Variants in NUP133 observed in about 807,000 individuals in gnomAD.
The protein encoded by NUP133 is nuclear pore complex protein Nup133.
A neutral mutation model predicts 146.2 loss-of-function variants in NUP133; 66 were observed. That is an observed-to-expected ratio of 0.45 (90% CI 0.37 to 0.55). The LOEUF is 0.55. NUP133 is among the 20% of genes least tolerant of loss of function. The probability of loss-of-function intolerance (pLI) is 0.00; values close to 1 mark genes in which losing one functional copy is unlikely to be tolerated. For synonymous variants in NUP133, 521 were observed against 498.8 expected (o/e 1.04, Z -0.59); for missense variants, 1,277 against 1,374.8 (o/e 0.93, Z 1.12).
Position 229,502,101 on chromosome 1 carries a change from G to C in NUP133, c.303C>G (p.Val101=), listed in dbSNP as rs747508806. 1.2e-6 allele frequency: 2 copies of C among 1,609,846 alleles called. No individual in the cohort carries two copies. Among genetic ancestry groups the C allele is most frequent in the Non-Finnish European group, 1.7e-6 (2 of 1,176,990 alleles). Residue 101 remains valine (V), a splice_region_variant and synonymous_variant, in exon 3 of 26, where the codon GTC becomes GTG. Coordinates refer to ENST00000261396, the MANE Select transcript of NUP133 (RefSeq NM_018230.3). ...KVMEALTLAE[V]DDQLTINIDE... ...CTATGTTAATGGTCAGCTGGTCATCGACTAAAGGAAAAAATGAGGTGGGTG... is the reference window on the plus strand; with the variant it reads ...CTATGTTAATGGTCAGCTGGTCATCCACTAAAGGAAAAAATGAGGTGGGTG...
chr1:229,493,361 C>T (rs981605065), intron 8 of NUP133, among the ~76,000 whole-genome samples: 1 of 151,976 alleles, frequency 6.6e-6, no homozygotes, highest in African/African-American at 2.4e-5. Flanking sequence ...TTTTTATTTG[C>T]GTGGAGATAG....
chr1:229,470,265 G>A (rs547092465), intron 15 of NUP133, among the ~76,000 whole-genome samples: 1 of 148,152 alleles, frequency 6.7e-6, no homozygotes, highest in African/African-American at 2.5e-5. Flanking sequence ...TGGAACCCGG[G>A]CAACAGAGTG....
chr1:229,497,854 A>C (rs553001829), intron 6 of NUP133, among the ~76,000 whole-genome samples: 1 of 152,202 alleles, frequency 6.6e-6, no homozygotes, highest in Admixed American at 6.5e-5. Context: ...AAGTCAAATT[A>C]ATCTTTAAGA....
intron 8 of NUP133, 40 bp from the exon 9 acceptor site, chr1:229,490,142 A>C (rs771125093): frequency 2.7e-6 from 4 of 1,460,372 alleles, no homozygotes; most frequent in Non-Finnish European, 3.6e-6. Context: ...CTCTCTAAAA[A>C]ACAACTTAGG....
At chr1:229,456,476 T>C (rs1660561148) in intron 21 of NUP133, among the ~76,000 whole-genome samples, 1 of 152,210 alleles carries the variant, frequency 6.6e-6, no homozygotes, top group African/African-American at 2.4e-5. Context: ...ACCAATCTTT[T>C]GATGTTCAAA....
At chr1:229,496,582 G>C (rs1661662430) in intron 6 of NUP133, among the ~76,000 whole-genome samples, 1 of 152,174 alleles carries the variant, frequency 6.6e-6, no homozygotes. Context: ...AAGAGGAGAA[G>C]AGCTGAAAGG....
intron 1 of NUP133, 140 bp downstream of exon 1, chr1:229,507,928 T>G (rs1661987402): frequency 1.6e-6 from 2 of 1,262,510 alleles, no homozygotes; most frequent in Non-Finnish European, 2.0e-6. Flanking sequence ...CCTGCAGCAG[T>G]GGAAAAGGTC....
At chr1:229,453,246 C>T (rs1383012173) in intron 21 of NUP133, among the ~76,000 whole-genome samples, 1 of 152,140 alleles carries the variant, frequency 6.6e-6, no homozygotes, top group South Asian at 2.1e-4. Context: ...CTGCCAGCTT[C>T]ACAAATTTCC....
chr1:229,446,626 C>T (rs576786429), intron 24 of NUP133, among the ~76,000 whole-genome samples: 66 of 151,182 alleles, frequency 4.4e-4, no homozygotes, highest in Non-Finnish European at 7.1e-4. Flanking sequence ...CCCAACTAAT[C>T]GGGAGGCTGA....
At chr1:229,478,384 T>C (rs1661128664) in intron 12 of NUP133, among the ~76,000 whole-genome samples, 1 of 151,754 alleles carries the variant, frequency 6.6e-6, no homozygotes, top group Non-Finnish European at 1.5e-5. Flanking sequence ...ACACAGGTGA[T>C]AAACACCGAG....
In NUP133 at chr1:229,464,712, C is replaced by G; in HGVS notation, c.2463G>C (p.Lys821Asn). ...CFLDGYVSQL[K>N]SVDKSSNRER... The stretch of plus-strand genomic sequence containing the variant: ...CCCGATTACTGGATTTATCCACAGA[C>G]TTAAGCTGAGAAACATAACCATCCA... The change falls in exon 18 of 26, where the codon AAG becomes AAC. Residue 821 changes from lysine (K) to asparagine (N), a missense_variant. Lys to Asn is a moderately conservative substitution (Grantham distance 94, BLOSUM62 0). Transcript: ENST00000261396. The G allele has an allele frequency of 1.2e-6, 2 of 1,614,226 alleles. No individual in the cohort carries two copies. Among genetic ancestry groups the G allele is most frequent in the Non-Finnish European group, 8.5e-7 (1 of 1,180,048 alleles).
At chr1:229,451,405 TA>T (rs35510293) in intron 22 of NUP133, among the ~76,000 whole-genome samples, 31,321 of 150,822 alleles carry the variant, frequency 0.21, 3,575 homozygotes, top group African/African-American at 0.29. Flanking sequence ...ATCTTGTCTC[TA>T]AAAAAAAATT....
At chr1:229,477,263 C>A (rs548257590) in intron 13 of NUP133, among the ~76,000 whole-genome samples, 1 of 152,034 alleles carries the variant, frequency 6.6e-6, no homozygotes, top group South Asian at 2.1e-4. Context: ...CACAGTGAAA[C>A]CCCGTCTCTA....
At chr1:229,467,664 T>C (rs1370803283) in intron 15 of NUP133, among the ~76,000 whole-genome samples, 5 of 152,144 alleles carry the variant, frequency 3.3e-5, no homozygotes, top group Admixed American at 3.3e-4. Flanking sequence ...CCGGGTGCGG[T>C]GGCTCATGCC....
intron 13 of NUP133, among the ~76,000 whole-genome samples, chr1:229,476,121 G>GA (rs370573103): frequency 9.5e-4 from 120 of 126,452 alleles, no homozygotes; most frequent in Middle Eastern, 8.5e-3. Flanking sequence ...AAAGAAAAGG[G>GA]AAAAAAAAAA....
At chr1:229,475,330 G>T (rs1661050805) in intron 14 of NUP133, among the ~76,000 whole-genome samples, 1 of 152,010 alleles carries the variant, frequency 6.6e-6, no homozygotes, top group South Asian at 2.1e-4. Flanking sequence ...ATGAGGATTT[G>T]ATTCTAATGG....
intron 12 of NUP133, among the ~76,000 whole-genome samples, chr1:229,481,274 T>C (rs906084102): frequency 1.3e-5 from 2 of 152,200 alleles, no homozygotes; most frequent in Admixed American, 1.3e-4. Flanking sequence ...TTAAGATGAC[T>C]ACACCAGGTT....
At chr1:229,483,155 G>A (rs1198109674) in intron 12 of NUP133, among the ~76,000 whole-genome samples, 1 of 152,180 alleles carries the variant, frequency 6.6e-6, no homozygotes, top group Non-Finnish European at 1.5e-5. Context: ...CTAGAATGCA[G>A]TGGTGTGATT....
At chr1:229,449,875 T>TATA (rs1558088585) in intron 23 of NUP133, among the ~76,000 whole-genome samples, 972 of 63,964 alleles carry the variant, frequency 0.015, 32 homozygotes, top group African/African-American at 0.05. Flanking sequence ...ATATATATAT[T>TATA]TTTTTTTTTT....
Sources: gnomAD v4.1 joint callset for allele counts (sites outside exome capture counted in the v4.1 genomes callset) on GRCh38, gnomAD v4.1.1 for gene constraint, MANE v1.5 for transcripts, NCBI Gene and HGNC (gene_info 2026-07-23, HGNC 2026-07-21) for gene names.